PCDHGB4: variants seen among roughly 807,000 people sequenced by gnomAD.
PCDHGB4 encodes the protein protocadherin gamma subfamily B, 4.
A neutral mutation model predicts 60.5 loss-of-function variants in PCDHGB4; 38 were observed. That is an observed-to-expected ratio of 0.63 (90% CI 0.48 to 0.82). PCDHGB4 has a LOEUF of 0.82. PCDHGB4 is among the 40% of genes least tolerant of loss of function. PCDHGB4 has a pLI of 0.00. For missense variants in PCDHGB4, 1,109 were observed against 1,209.6 expected (o/e 0.92, Z 1.23); for synonymous variants, 456 against 509.7 (o/e 0.89, Z 1.42).
rs183831513 is a variant in PCDHGB4 at position 141,497,605 on chromosome 5, T to A, written c.2456+2740T>A. ...CCCAAGCTGGAGTGCAGTGGTGCGA[T>A]CTTGGCTCACTGCAACCTCTGCCTG... On this transcript the variant is annotated intron_variant, in intron 2 of 3. Coordinates refer to ENST00000519479, the MANE Select transcript of PCDHGB4 (RefSeq NM_003736.4). Among the ~76,000 whole-genome samples, 19 of 151,488 alleles carry A rather than the reference T, an allele frequency of 1.3e-4. No individual in the cohort carries two copies. In the East Asian group the frequency reaches 3.7e-3, roughly 29 times the overall value.
intron 1 of PCDHGB4, among the ~76,000 whole-genome samples, chr5:141,492,886 C>A (rs1479930324): frequency 6.6e-6 from 1 of 152,178 alleles, no homozygotes; most frequent in African/African-American, 2.4e-5. Context: ...GAGATACAGG[C>A]TTTTGGCGCC....
At chr5:141,395,633 G>T (rs1448678453) in intron 1 of PCDHGB4, 1 of 179,296 alleles carries the variant, frequency 5.6e-6, no homozygotes, top group African/African-American at 2.4e-5. Context: ...GAAGTCTAAA[G>T]CCTTGTTATT....
At chr5:141,402,087 A>G (rs1388054772) in intron 1 of PCDHGB4, among the ~76,000 whole-genome samples, 1 of 152,224 alleles carries the variant, frequency 6.6e-6, no homozygotes, top group Non-Finnish European at 1.5e-5. Context: ...GAAATAGCAG[A>G]AAAGTTTAAG....
Position 141,405,029 on chromosome 5 carries a change from C to G in PCDHGB4, c.2397+14748C>G, listed in dbSNP as rs565871444. 16 of 1,613,976 alleles carry G rather than the reference C, an allele frequency of 9.9e-6. No individual in the cohort carries two copies. The Admixed American group carries it at 1.0e-4, about 10-fold the overall frequency. On this transcript the variant is annotated intron_variant, in intron 1 of 3. Coordinates refer to ENST00000519479, the MANE Select transcript of PCDHGB4 (RefSeq NM_003736.4). ...GGAGGCCTCAGACCTTACCCTCTAC[C>G]TCGTTGTGGCTGTGGCAGTCGTCTC...
chr5:141,457,471 C>T (rs1478580665), intron 1 of PCDHGB4, among the ~76,000 whole-genome samples: 1 of 152,182 alleles, frequency 6.6e-6, no homozygotes, highest in African/African-American at 2.4e-5. Context: ...CAGGAATAAG[C>T]AGGGCCAGGG....
intron 1 of PCDHGB4, among the ~76,000 whole-genome samples, chr5:141,457,984 A>G (rs1210742359): frequency 2.0e-5 from 3 of 152,226 alleles, no homozygotes; most frequent in Non-Finnish European, 1.5e-5. Context: ...ACACCCTTTC[A>G]GTTAAAGCCT....
chr5:141,423,004 G>T lies in PCDHGB4; in HGVS notation c.2397+32723G>T, dbSNP rs1206727312. 2 of 1,614,116 alleles carry T rather than the reference G, an allele frequency of 1.2e-6. No individual in the cohort carries two copies. Among genetic ancestry groups the T allele is most frequent in the African/African-American group, 1.3e-5 (1 of 74,958 alleles). ...ACCTGGCTACCTGGTGACCAAGGTG[G>T]TTGCGGTGGACAAAGATTCAGGCCA... On this transcript the variant is annotated intron_variant, in intron 1 of 3. Transcript: ENST00000519479.
intron 1 of PCDHGB4, chr5:141,415,384 A>C: frequency 1.9e-6 from 3 of 1,614,180 alleles, no homozygotes; most frequent in Non-Finnish European, 2.5e-6. Flanking sequence ...AGGCGGCTTG[A>C]CAGGTGTGTC....
intron 1 of PCDHGB4, chr5:141,418,929 T>A: frequency 6.2e-7 from 1 of 1,614,034 alleles, no homozygotes; most frequent in Non-Finnish European, 8.5e-7. Flanking sequence ...GATCAGATTA[T>A]GGAGGATTCC....
chr5:141,404,745 C>T, intron 1 of PCDHGB4: 1 of 1,613,966 alleles, frequency 6.2e-7, no homozygotes, highest in Non-Finnish European at 8.5e-7. Flanking sequence ...GACAGAGACT[C>T]AGGCCAGAAT....
At chr5:141,422,020 G>A (rs374562798) in intron 1 of PCDHGB4, 2 of 1,610,932 alleles carry the variant, frequency 1.2e-6, no homozygotes, top group Non-Finnish European at 1.7e-6. Flanking sequence ...GGTGCTGATG[G>A]TTAATGCAAC....
rs758782567 is a variant in PCDHGB4, at chr5:141,486,792, G to A, written c.2398-8015G>A. ...CAGTTTGAGGTGCAGGCCCGGGATCGGGGCAACCCACCCCTTAGCAGCACT... is the reference window on the plus strand; with the variant it reads ...CAGTTTGAGGTGCAGGCCCGGGATCAGGGCAACCCACCCCTTAGCAGCACT... On this transcript the variant is annotated intron_variant, in intron 1 of 3. Coordinates refer to ENST00000519479, the MANE Select transcript of PCDHGB4 (RefSeq NM_003736.4). This position sits in a 1 kb window ranked among gnomAD's most constrained non-coding sequence, Gnocchi z 5.0. The A allele has an allele frequency of 3.7e-5, 59 of 1,614,094 alleles. No homozygotes were observed. The Middle Eastern group carries it at 4.9e-4, about 13-fold the overall frequency.
intron 1 of PCDHGB4, among the ~76,000 whole-genome samples, chr5:141,444,982 A>G (rs10066383): frequency 7.1e-4 from 108 of 152,272 alleles, no homozygotes; most frequent in African/African-American, 2.5e-3. Flanking sequence ...ATCCATGAAC[A>G]TGGTATATAT....
At chr5:141,478,639 A>G (rs377308663) in intron 1 of PCDHGB4, 168 of 1,552,322 alleles carry the variant, frequency 1.1e-4, no homozygotes, top group Non-Finnish European at 1.0e-4. Context: ...TTAGTGATGA[A>G]GATGTTTTCC....
chr5:141,410,018 T>C (rs773806211), intron 1 of PCDHGB4: 1 of 1,613,166 alleles, frequency 6.2e-7, no homozygotes, highest in African/African-American at 1.3e-5. Context: ...CTGGCTGTCC[T>C]ACCACGTGCT....
intron 1 of PCDHGB4, among the ~76,000 whole-genome samples, chr5:141,462,639 C>T (rs2099043867): frequency 7.2e-6 from 1 of 138,292 alleles, no homozygotes. Flanking sequence ...TTGACTCTTT[C>T]ATTTCCATCC....
chr5:141,431,216 C>A lies in PCDHGB4; in HGVS notation c.2397+40935C>A. On this transcript the variant is annotated intron_variant, in intron 1 of 3. Coordinates refer to ENST00000519479, the MANE Select transcript of PCDHGB4 (RefSeq NM_003736.4). The surrounding 1 kb of genome is among the most constrained non-coding windows in gnomAD (Gnocchi z 4.8). ...AAATGCAGCCACTGAGATGCGGTTC[C>A]CTCTACCCCACGCCTGGGATCCGGA... The A allele has an allele frequency of 6.2e-7, 1 of 1,614,162 alleles. No homozygotes were observed. The highest frequency in any genetic ancestry group is 8.5e-7 in the Non-Finnish European group (1 of 1,180,048).
intron 1 of PCDHGB4, chr5:141,426,860 A>T (rs771106873): frequency 2.6e-5 from 12 of 456,702 alleles, no homozygotes; most frequent in Admixed American, 2.3e-4. Flanking sequence ...CTCCAGAATT[A>T]GTGCTGGAGA....
intron 1 of PCDHGB4, chr5:141,422,687 T>C: frequency 6.2e-7 from 1 of 1,604,936 alleles, no homozygotes; most frequent in Non-Finnish European, 8.5e-7. Flanking sequence ...CAGAATGCCC[T>C]GGTCACTTAC....
Sources: gnomAD v4.1 joint callset for allele counts (sites outside exome capture counted in the v4.1 genomes callset) on GRCh38, gnomAD v4.1.1 for gene constraint, Gnocchi (gnomAD v3.1) non-coding constraint, MANE v1.5 for transcripts, NCBI Gene and HGNC (gene_info 2026-07-23, HGNC 2026-07-21) for gene names.